The following EXOC4 variants were observed in gnomAD, a reference collection of about 807,000 sequenced individuals.
EXOC4 encodes exocyst complex component 4.
A neutral mutation model predicts 107.2 loss-of-function variants in EXOC4; 71 were observed. The observed-to-expected ratio is 0.66, with a 90% CI of 0.55 to 0.81. EXOC4 has a LOEUF of 0.81. Ranked by LOEUF, EXOC4 falls within the 30% of genes least tolerant of loss-of-function variation. The pLI, the probability that EXOC4 is intolerant of heterozygous loss-of-function variation, is 0.00. For missense variants in EXOC4, 1,108 were observed against 1,189.6 expected, an observed-to-expected ratio of 0.93 and a Z score of 1.01; for synonymous variants, 456 against 441.2, an observed-to-expected ratio of 1.03 and a Z score of -0.42.
chr7:133,735,699 C>T (rs1795430337), intron 10 of EXOC4, among the ~76,000 whole-genome samples: 1 of 152,030 alleles, frequency 6.6e-6, no homozygotes, highest in Admixed American at 6.6e-5. Context: ...CGAAGCTCCC[C>T]ATTTGTGTTT....
At chr7:134,074,087 G>A in the EXOC4 span, among the ~76,000 whole-genome samples, 1 of 152,270 alleles carries the variant, frequency 6.6e-6, no homozygotes, top group South Asian at 2.1e-4. Context: ...CTGTGAGCTG[G>A]ATGTCGTGGA....
intron 5 of EXOC4, among the ~76,000 whole-genome samples, chr7:133,334,647 C>A (rs1584823457): frequency 6.6e-6 from 1 of 152,060 alleles, no homozygotes; most frequent in African/African-American, 2.4e-5. Context: ...TAGATTATTT[C>A]ATCACTCAGG....
At chr7:134,072,494 TC>T in the EXOC4 span, among the ~76,000 whole-genome samples, 1 of 152,102 alleles carries the variant, frequency 6.6e-6, no homozygotes, top group African/African-American at 2.4e-5. Flanking sequence ...AGAAAAGTCT[TC>T]CTAGGTTTTA....
At chr7:133,678,785 T>G (rs1794121724) in intron 10 of EXOC4, among the ~76,000 whole-genome samples, 1 of 151,870 alleles carries the variant, frequency 6.6e-6, no homozygotes, top group Non-Finnish European at 1.5e-5. Context: ...TAGTGTTTTT[T>G]GTTTTGTTTC....
At chr7:133,541,972 C>CGGTA (rs1563102146) in intron 9 of EXOC4, among the ~76,000 whole-genome samples, 2 of 151,980 alleles carry the variant, frequency 1.3e-5, no homozygotes. Flanking sequence ...TTTTGCTTTC[C>CGGTA]GGTAGATTCA....
At chr7:134,075,322 G>T in the EXOC4 span, among the ~76,000 whole-genome samples, 1 of 152,088 alleles carries the variant, frequency 6.6e-6, no homozygotes, top group Non-Finnish European at 1.5e-5. Flanking sequence ...GAATATAGTA[G>T]GATTGCATTT....
At chr7:133,590,919 C>T (rs1276586474) in intron 9 of EXOC4, among the ~76,000 whole-genome samples, 1 of 152,144 alleles carries the variant, frequency 6.6e-6, no homozygotes, top group African/African-American at 2.4e-5. Context: ...TATAACATTC[C>T]CTCTGGGGCA....
intron 9 of EXOC4, among the ~76,000 whole-genome samples, chr7:133,546,456 A>G (rs1235284522): frequency 6.6e-6 from 1 of 151,910 alleles, no homozygotes; most frequent in Non-Finnish European, 1.5e-5. Context: ...GAGGTTTACC[A>G]TGTTGGCCAG....
At chr7:133,513,423 G>T (rs946686198) in intron 9 of EXOC4, among the ~76,000 whole-genome samples, 1 of 152,112 alleles carries the variant, frequency 6.6e-6, no homozygotes, top group African/African-American at 2.4e-5. Context: ...AGCATTCTAA[G>T]ATATTTTACA....
intron 11 of EXOC4, among the ~76,000 whole-genome samples, chr7:133,883,809 C>T (rs1386802486): frequency 3.3e-5 from 5 of 152,202 alleles, no homozygotes; most frequent in African/African-American, 1.2e-4. Context: ...GGCAGTTCCT[C>T]AGGCACCAGC....
At chr7:133,300,081 A>G (rs1471600148) in intron 3 of EXOC4, among the ~76,000 whole-genome samples, 3 of 152,130 alleles carry the variant, frequency 2.0e-5, no homozygotes, top group Non-Finnish European at 4.4e-5. Context: ...TCTGCTTTAT[A>G]GGTATTGGGT....
chr7:133,719,450 C>CTTTTAGGCTAGAAGTAATTTA (rs1418536975), intron 10 of EXOC4, among the ~76,000 whole-genome samples: 3 of 151,592 alleles, frequency 2.0e-5, no homozygotes, highest in Non-Finnish European at 2.9e-5. Context: ...GCAGGAAGAC[C>CTTTTAGGCTAGAAGTAATTTA]TTTTAGGCTA....
chr7:133,273,456 A>G (rs1793920864), intron 1 of EXOC4, among the ~76,000 whole-genome samples: 1 of 152,166 alleles, frequency 6.6e-6, no homozygotes, highest in Non-Finnish European at 1.5e-5. Flanking sequence ...GGTTCCCAGT[A>G]GTGTTCCTTT....
At chr7:133,874,315 T>A (rs1798806725) in intron 11 of EXOC4, among the ~76,000 whole-genome samples, 1 of 152,204 alleles carries the variant, frequency 6.6e-6, no homozygotes, top group Non-Finnish European at 1.5e-5. Flanking sequence ...ATAAAGCAGT[T>A]AAATTTATTT....
At position 133,965,806 on chromosome 7, in the gene EXOC4, G is replaced by A. The variant is rs1048979736; in HGVS notation, c.2206+27737G>A. On this transcript the variant is annotated intron_variant, in intron 14 of 17. Coordinates refer to ENST00000253861, the MANE Select transcript of EXOC4 (RefSeq NM_021807.4). Reference sequence around the variant, plus strand: ...TTGCTTAGGATTGTCTTGGCTATACGGGCTCTTTTTTGGTTGCATATGAAA... The same window carrying A: ...TTGCTTAGGATTGTCTTGGCTATACAGGCTCTTTTTTGGTTGCATATGAAA... Among the ~76,000 whole-genome samples, 6 of 152,148 alleles carry A rather than the reference G, an allele frequency of 3.9e-5. No individual in the cohort carries two copies. The South Asian group carries it at 6.2e-4, about 16-fold the overall frequency.
intron 10 of EXOC4, among the ~76,000 whole-genome samples, chr7:133,707,438 T>A (rs1034027280): frequency 6.6e-6 from 1 of 151,386 alleles, no homozygotes; most frequent in Non-Finnish European, 1.5e-5. Context: ...TTTTTTTTTT[T>A]CCCTCCACAA....
chr7:133,757,950 G>T (rs1285105931), intron 10 of EXOC4, among the ~76,000 whole-genome samples: 1 of 152,180 alleles, frequency 6.6e-6, no homozygotes, highest in African/African-American at 2.4e-5. Flanking sequence ...ATGTCGAGCT[G>T]CAGAACCTGC....
At chr7:133,425,353 T>A (rs1797700288) in intron 7 of EXOC4, among the ~76,000 whole-genome samples, 1 of 152,174 alleles carries the variant, frequency 6.6e-6, no homozygotes, top group South Asian at 2.1e-4. Context: ...AATGGCGCAA[T>A]CTTGGCTCAC....
chr7:133,611,876 A>C (rs975453363), intron 9 of EXOC4, among the ~76,000 whole-genome samples: 1 of 152,174 alleles, frequency 6.6e-6, no homozygotes, highest in Non-Finnish European at 1.5e-5. Flanking sequence ...ACAGAAGACA[A>C]TTTGTAATTA....
Sources: allele counts gnomAD v4.1 joint callset (sites outside exome capture counted in the v4.1 genomes callset), GRCh38; gene constraint gnomAD v4.1.1; transcripts MANE v1.5; gene names NCBI Gene and HGNC (gene_info 2026-07-23, HGNC 2026-07-21).